Variants in FYB2 observed in about 807,000 individuals in gnomAD.
FYB2 encodes the protein FYN-binding protein 2.
A neutral mutation model predicts 94.1 loss-of-function variants in FYB2; 103 were observed. That is an observed-to-expected ratio of 1.09 (90% CI 0.93 to 1.29). FYB2 has a LOEUF of 1.29. FYB2 is among the 50% of genes most tolerant of loss of function. The pLI is 0.00. For synonymous variants in FYB2, 293 were observed against 287.9 expected (o/e 1.02, Z -0.18); for missense variants, 896 against 841.5 (o/e 1.06, Z -0.80).
At chr1:56,769,646 T>C (rs1645708395) in intron 4 of FYB2, among the ~76,000 whole-genome samples, 1 of 152,136 alleles carries the variant, frequency 6.6e-6, no homozygotes, top group Non-Finnish European at 1.5e-5. Context: ...CATTAGACTT[T>C]GTAAATTATA....
At chr1:56,816,150 T>C (rs1163270141) in intron 1 of FYB2, among the ~76,000 whole-genome samples, 1 of 152,198 alleles carries the variant, frequency 6.6e-6, no homozygotes, top group Non-Finnish European at 1.5e-5. Context: ...AAAAAGCATT[T>C]TTCTATATTT....
chr1:56,761,248 T>C (rs1439991378), intron 5 of FYB2, among the ~76,000 whole-genome samples: 1 of 152,176 alleles, frequency 6.6e-6, no homozygotes, highest in East Asian at 1.9e-4. Flanking sequence ...GAAACTAACA[T>C]TTTTTATACT....
chr1:56,730,874 A>G (rs1217300619), intron 15 of FYB2, among the ~76,000 whole-genome samples: 1 of 152,170 alleles, frequency 6.6e-6, no homozygotes, highest in Non-Finnish European at 1.5e-5. Flanking sequence ...CATAGACACA[A>G]AAATCTTCAA....
the FYB2 span, chr1:56,825,079 C>T: frequency 6.6e-6 from 1 of 152,240 alleles, no homozygotes; most frequent in East Asian, 1.9e-4. Context: ...GCACATCAGC[C>T]AGGCGGAACT....
chr1:56,782,088 C>G (rs372079685), intron 4 of FYB2, among the ~76,000 whole-genome samples: 5 of 152,176 alleles, frequency 3.3e-5, no homozygotes, highest in East Asian at 1.9e-4. Flanking sequence ...ATTGAAATAT[C>G]TATCACAATT....
At chr1:56,735,776 A>C (rs1164954793) in intron 15 of FYB2, among the ~76,000 whole-genome samples, 2 of 152,054 alleles carry the variant, frequency 1.3e-5, no homozygotes, top group African/African-American at 4.8e-5. Context: ...CATGATTGTA[A>C]GTTTCCTGAG....
At chr1:56,822,923 A>C (rs1647000968), upstream of FYB2, among the ~76,000 whole-genome samples, 1 of 152,052 alleles carries the variant, frequency 6.6e-6, no homozygotes, top group African/African-American at 2.4e-5. Flanking sequence ...TAATATTATA[A>C]TTCTTGTTGG....
chr1:56,740,863 A>G, intron 12 of FYB2, 68 bp from the exon 13 acceptor site: 1 of 1,064,810 alleles, frequency 9.4e-7, no homozygotes, highest in Non-Finnish European at 1.4e-6. Flanking sequence ...AGGCTGTTGT[A>G]TTATAAAATC....
chr1:56,809,259 A>G (rs947137787), intron 1 of FYB2, among the ~76,000 whole-genome samples: 2 of 152,258 alleles, frequency 1.3e-5, no homozygotes, highest in African/African-American at 2.4e-5. Flanking sequence ...CCAACTATGT[A>G]CAAGGTATTC....
intron 4 of FYB2, among the ~76,000 whole-genome samples, chr1:56,779,096 A>T (rs1645950530): frequency 6.6e-6 from 1 of 152,116 alleles, no homozygotes; most frequent in South Asian, 2.1e-4. Context: ...ACAGCAAACA[A>T]GGGTGAGAGG....
intron 15 of FYB2, among the ~76,000 whole-genome samples, chr1:56,727,682 A>T (rs1398500171): frequency 1.3e-5 from 2 of 152,142 alleles, no homozygotes; most frequent in Admixed American, 1.3e-4. Flanking sequence ...ATTTATGAGA[A>T]CAGTCACCTT....
At chr1:56,784,547 G>A (rs1215603719) in intron 4 of FYB2, among the ~76,000 whole-genome samples, 1 of 152,050 alleles carries the variant, frequency 6.6e-6, no homozygotes, top group East Asian at 1.9e-4. Flanking sequence ...ACTTATCATT[G>A]GCAAGATAAA....
intron 5 of FYB2, among the ~76,000 whole-genome samples, chr1:56,762,297 T>C (rs1570047593): frequency 2.0e-5 from 3 of 152,190 alleles, no homozygotes. Flanking sequence ...ATTAAACCTG[T>C]GTATCATTTT....
chr1:56,816,021 C>T (rs1043104826), intron 1 of FYB2, among the ~76,000 whole-genome samples: 1 of 152,166 alleles, frequency 6.6e-6, no homozygotes, highest in Non-Finnish European at 1.5e-5. Context: ...TTCACTTTAA[C>T]CTTATGTCTA....
chr1:56,725,461 A>T (rs780937681), intron 16 of FYB2, among the ~76,000 whole-genome samples: 1 of 152,194 alleles, frequency 6.6e-6, no homozygotes, highest in East Asian at 1.9e-4. Context: ...GTAAAAAAAT[A>T]AAAAGGCACT....
intron 19 of FYB2, 128 bp from the exon 20 acceptor site, chr1:56,719,820 G>A: frequency 9.3e-7 from 1 of 1,078,856 alleles, no homozygotes; most frequent in Admixed American, 2.7e-5. Context: ...TTATAAAGCT[G>A]TGTAGAGAAG....
chr1:56,826,839 G>A, the FYB2 span: 4 of 152,134 alleles, frequency 2.6e-5, no homozygotes, highest in African/African-American at 9.7e-5. Flanking sequence ...CTGTCAGCTG[G>A]ACCCATCACA....
intron 12 of FYB2, 121 bp from the exon 13 acceptor site, chr1:56,740,916 G>T: frequency 1.8e-6 from 1 of 551,252 alleles, no homozygotes; most frequent in Non-Finnish European, 3.0e-6. Flanking sequence ...CTAAACAATA[G>T]GTATACATGG....
At chr1:56,730,377 G>C (rs1288694553) in intron 15 of FYB2, among the ~76,000 whole-genome samples, 10 of 96,752 alleles carry the variant, frequency 1.0e-4, no homozygotes, top group African/African-American at 4.0e-4. Flanking sequence ...GAGGAGAGGG[G>C]GAAAGGTAAA....
Sources: gnomAD v4.1 joint callset for allele counts (sites outside exome capture counted in the v4.1 genomes callset) on GRCh38, gnomAD v4.1.1 for gene constraint, MANE v1.5 for transcripts, NCBI Gene and HGNC (gene_info 2026-07-23, HGNC 2026-07-21) for gene names.